Variants in MICAL2 observed in about 807,000 individuals in gnomAD.
The protein encoded by MICAL2 is microtubule associated monooxygenase, calponin and LIM domain containing 2, also known as [F-actin]-monooxygenase MICAL2.
In MICAL2, 77 loss-of-function variants were observed where a neutral mutation model predicts 127.3. The ratio of observed to expected loss-of-function variants is 0.60; its 90% CI spans 0.50 to 0.73. MICAL2 has a LOEUF of 0.73. MICAL2 is among the 30% of genes least tolerant of loss of function. The probability of loss-of-function intolerance (pLI) is 0.00; values close to 1 mark genes in which losing one functional copy is unlikely to be tolerated. For missense variants in MICAL2, 1,351 were observed against 1,434.4 expected (o/e 0.94, Z 0.94); for synonymous variants, 570 against 551.1 (o/e 1.03, Z -0.48).
chr11:12,175,844 G>A (rs989357512), intron 3 of MICAL2, among the ~76,000 whole-genome samples: 7 of 152,122 alleles, frequency 4.6e-5, no homozygotes, highest in Non-Finnish European at 1.0e-4. Flanking sequence ...GAAACAGCAA[G>A]GAGACCTATG....
chr11:12,146,636 T>C (rs1422506458), intron 2 of MICAL2, among the ~76,000 whole-genome samples: 1 of 152,192 alleles, frequency 6.6e-6, no homozygotes, highest in Non-Finnish European at 1.5e-5. Flanking sequence ...AGTTCAACCA[T>C]TGTGGAAGAC....
At chr11:12,160,262 G>A (rs1477077286) in intron 2 of MICAL2, among the ~76,000 whole-genome samples, 1 of 152,182 alleles carries the variant, frequency 6.6e-6, no homozygotes, top group Non-Finnish European at 1.5e-5. Context: ...TCCTTTGCAT[G>A]TGCTGTTCTT....
intron 2 of MICAL2, among the ~76,000 whole-genome samples, chr11:12,140,154 C>T (rs1267412956): frequency 6.6e-6 from 1 of 152,232 alleles, no homozygotes; most frequent in Non-Finnish European, 1.5e-5. Flanking sequence ...CCAAAGCATT[C>T]CCAAATTATA....
chr11:12,273,613 T>G (rs537456175), upstream of MICAL2, among the ~76,000 whole-genome samples: 9 of 152,076 alleles, frequency 5.9e-5, no homozygotes, highest in Non-Finnish European at 1.5e-5. Context: ...CAAAATTTCT[T>G]CAGTCATCTT....
At chr11:12,127,661 T>A (rs578102976) in intron 1 of MICAL2, among the ~76,000 whole-genome samples, 2 of 152,208 alleles carry the variant, frequency 1.3e-5, no homozygotes, top group Non-Finnish European at 2.9e-5. Context: ...TACTGGGATC[T>A]TGAGCCCACA....
chr11:12,332,387 G>C (rs1384912736), intron 32 of MICAL2, among the ~76,000 whole-genome samples: 1 of 152,120 alleles, frequency 6.6e-6, no homozygotes, highest in Non-Finnish European at 1.5e-5. Context: ...CATGAACACA[G>C]AAACACAGAT....
At chr11:12,146,363 T>C (rs1852904646) in intron 2 of MICAL2, among the ~76,000 whole-genome samples, 2 of 152,030 alleles carry the variant, frequency 1.3e-5, no homozygotes. Flanking sequence ...TCAAACAAAT[T>C]TACAAGAAAA....
chr11:12,358,572 C>A, downstream of MICAL2: 3 of 1,225,658 alleles, frequency 2.4e-6, no homozygotes, highest in Non-Finnish European at 3.3e-6. Context: ...CAGGATTTAT[C>A]ATCCCTGGAA....
intron 4 of MICAL2, among the ~76,000 whole-genome samples, chr11:12,204,945 G>C (rs1854494376): frequency 6.6e-6 from 1 of 152,192 alleles, no homozygotes; most frequent in East Asian, 1.9e-4. Flanking sequence ...CCATACAAAG[G>C]AGTTTGGACA....
At chr11:12,252,329 G>A (rs942874717) in intron 22 of MICAL2, among the ~76,000 whole-genome samples, 2 of 152,200 alleles carry the variant, frequency 1.3e-5, no homozygotes, top group Non-Finnish European at 2.9e-5. Context: ...TCCCAGGTTG[G>A]GCCAGAGTAG....
At chr11:12,140,564 T>C (rs897629079) in intron 2 of MICAL2, among the ~76,000 whole-genome samples, 5 of 149,718 alleles carry the variant, frequency 3.3e-5, no homozygotes, top group African/African-American at 1.2e-4. Context: ...AAGAGAACAC[T>C]ACCCTGTGGA....
intron 33 of MICAL2, among the ~76,000 whole-genome samples, chr11:12,351,022 C>T (rs2096333894): frequency 6.6e-6 from 1 of 152,206 alleles, no homozygotes; most frequent in Admixed American, 6.5e-5. Context: ...CCCTGTGTGT[C>T]TGTGTCTTCT....
At chr11:12,319,642 A>G (rs1221105201) in intron 29 of MICAL2, 2 of 1,331,978 alleles carry the variant, frequency 1.5e-6, no homozygotes, top group African/African-American at 1.4e-5. Context: ...GCTTTGGTTC[A>G]TAAAGCAGGA....
chr11:12,137,275 G>A (rs1466349337), intron 1 of MICAL2, among the ~76,000 whole-genome samples: 1 of 62,796 alleles, frequency 1.6e-5, no homozygotes, highest in East Asian at 4.4e-4. Flanking sequence ...CGCCCGGTGT[G>A]TGGGCCCACC....
At chr11:12,176,626 T>C (rs1022516395) in intron 3 of MICAL2, among the ~76,000 whole-genome samples, 1 of 152,176 alleles carries the variant, frequency 6.6e-6, no homozygotes, top group African/African-American at 2.4e-5. Context: ...CATTCAACAA[T>C]AGCTGACAAT....
chr11:12,202,772 T>A (rs903321326), intron 3 of MICAL2, among the ~76,000 whole-genome samples: 4 of 152,238 alleles, frequency 2.6e-5, no homozygotes, highest in African/African-American at 9.6e-5. Flanking sequence ...GTACCATGTT[T>A]TTTTCTCATG....
intron 2 of MICAL2, among the ~76,000 whole-genome samples, chr11:12,150,869 C>T (rs7943402): frequency 1.3e-5 from 2 of 152,086 alleles, no homozygotes; most frequent in Non-Finnish European, 2.9e-5. Flanking sequence ...AAAATGTATC[C>T]ATTTCTGCCT....
downstream of MICAL2, among the ~76,000 whole-genome samples, chr11:12,289,210 C>T (rs920641470): frequency 6.6e-6 from 1 of 152,264 alleles, no homozygotes; most frequent in Admixed American, 6.5e-5. Context: ...AACTCAGGCG[C>T]TGGTGTGCGC....
chr11:12,183,336 C>A (rs1857726509), intron 3 of MICAL2, among the ~76,000 whole-genome samples: 1 of 152,100 alleles, frequency 6.6e-6, no homozygotes, highest in South Asian at 2.1e-4. Context: ...GTTTGGCGTG[C>A]CCAGCTGACC....
Sources: allele counts gnomAD v4.1 joint callset (sites outside exome capture counted in the v4.1 genomes callset), GRCh38; gene constraint gnomAD v4.1.1; transcripts MANE v1.5; gene names NCBI Gene and HGNC (gene_info 2026-07-23, HGNC 2026-07-21).